RBFOX1: variants seen among roughly 807,000 people sequenced by gnomAD.
The protein encoded by RBFOX1 is RNA binding protein fox-1 homolog 1.
In RBFOX1, 8 loss-of-function variants were observed where a neutral mutation model predicts 57.7. That is an observed-to-expected ratio of 0.14 (90% CI 0.08 to 0.25). The LOEUF (loss-of-function observed/expected upper bound fraction) is 0.25. Ranked by LOEUF, RBFOX1 falls within the 10% of genes least tolerant of loss-of-function variation. The probability of loss-of-function intolerance (pLI) is 1.00; values close to 1 mark genes in which losing one functional copy is unlikely to be tolerated. For synonymous variants in RBFOX1, 326 were observed against 222.4 expected, an observed-to-expected ratio of 1.47 and a Z score of -4.15; for missense variants, 611 against 548.5, an observed-to-expected ratio of 1.11 and a Z score of -1.14.
intron 4 of RBFOX1, among the ~76,000 whole-genome samples, chr16:7,244,837 T>A (rs1922583): frequency 0.44 from 66,622 of 152,028 alleles, 15,026 homozygotes; most frequent in Middle Eastern, 0.53. Context: ...TGTTCCCACT[T>A]CTGCTCATGA....
At chr16:6,004,536 G>A (rs761584845) in intron 4 of RBFOX1, among the ~76,000 whole-genome samples, 1 of 152,178 alleles carries the variant, frequency 6.6e-6, no homozygotes, top group Non-Finnish European at 1.5e-5. Flanking sequence ...CTCAATGAAT[G>A]TCCAGAAGGT....
intron 2 of RBFOX1, among the ~76,000 whole-genome samples, chr16:6,336,225 G>A (rs1344526499): frequency 4.6e-5 from 4 of 87,040 alleles, no homozygotes; most frequent in African/African-American, 1.6e-4. Context: ...TTGAGATGGA[G>A]TCTCGCTCTG....
intron 4 of RBFOX1, among the ~76,000 whole-genome samples, chr16:7,213,626 G>A (rs1218684136): frequency 6.6e-6 from 1 of 151,892 alleles, no homozygotes; most frequent in Non-Finnish European, 1.5e-5. Flanking sequence ...CCGTGTGCCT[G>A]GAACTGAAGT....
intron 3 of RBFOX1, among the ~76,000 whole-genome samples, chr16:7,001,107 G>A (rs891852637): frequency 1.3e-5 from 2 of 152,034 alleles, no homozygotes; most frequent in African/African-American, 2.4e-5. Context: ...AGAAAAATAG[G>A]GGCATCTGTA....
At chr16:7,226,411 C>A (rs754148233) in intron 4 of RBFOX1, among the ~76,000 whole-genome samples, 6 of 152,146 alleles carry the variant, frequency 3.9e-5, no homozygotes, top group Non-Finnish European at 8.8e-5. Flanking sequence ...CCACTACAGG[C>A]CCTCAGTTAA....
At chr16:7,468,673 G>C (rs573702063) in intron 4 of RBFOX1, among the ~76,000 whole-genome samples, 2 of 152,114 alleles carry the variant, frequency 1.3e-5, no homozygotes, top group Admixed American at 1.3e-4. Flanking sequence ...TGCATGCATA[G>C]GATGCTTTAA....
intron 3 of RBFOX1, among the ~76,000 whole-genome samples, chr16:6,815,182 G>C (rs149200974): frequency 9.5e-4 from 145 of 152,248 alleles, no homozygotes; most frequent in African/African-American, 3.2e-3. Context: ...GTGCTGTTGA[G>C]CATGCAAGTG....
chr16:7,649,307 C>G (rs2064436412), intron 11 of RBFOX1, among the ~76,000 whole-genome samples: 1 of 152,020 alleles, frequency 6.6e-6, no homozygotes, highest in Admixed American at 6.5e-5. Flanking sequence ...TTGCAAGAAT[C>G]AATATTATCT....
In RBFOX1 at chr16:7,090,783, C is replaced by G. The variant is rs967390194; in HGVS notation, c.27+38685C>G. 5.9e-5 allele frequency among the ~76,000 whole-genome samples: 9 copies of G among 152,106 alleles called. No homozygotes were observed. In the South Asian group the frequency reaches 1.0e-3, roughly 17 times the overall value. On this transcript the variant is annotated intron_variant, in intron 4 of 15. Transcript: ENST00000550418. ...AGGGGGAAACAGCCTTCCCTACGGA[C>G]TTCTTGGAAAAGCAGGGAAGTCACG...
At chr16:6,920,239 T>C (rs1047244595) in intron 3 of RBFOX1, among the ~76,000 whole-genome samples, 5 of 126,616 alleles carry the variant, frequency 3.9e-5, no homozygotes, top group African/African-American at 6.0e-5. Context: ...GCTATAAACA[T>C]GGGTATGCAC....
upstream of RBFOX1, chr16:6,018,951 A>T: frequency 2.8e-6 from 1 of 351,052 alleles, no homozygotes; most frequent in Non-Finnish European, 4.0e-6. Context: ...GCTGGAATCC[A>T]GGGCTGCACG....
At chr16:7,346,434 A>G (rs1414394396) in intron 4 of RBFOX1, among the ~76,000 whole-genome samples, 1 of 152,104 alleles carries the variant, frequency 6.6e-6, no homozygotes, top group Admixed American at 6.6e-5. Flanking sequence ...CTTCCTGGGA[A>G]TGGACACGAC....
chr16:6,564,230 A>C (rs2097223354), intron 2 of RBFOX1, among the ~76,000 whole-genome samples: 1 of 152,186 alleles, frequency 6.6e-6, no homozygotes, highest in Non-Finnish European at 1.5e-5. Context: ...GGAGTGGTGC[A>C]GAAACTCAAG....
At chr16:5,640,619 T>C (rs1469288310) in intron 3 of RBFOX1, among the ~76,000 whole-genome samples, 1 of 150,660 alleles carries the variant, frequency 6.6e-6, no homozygotes, top group Non-Finnish European at 1.5e-5. Context: ...CGCATACATA[T>C]GCACACCATG....
chr16:5,521,184 G>A (rs772760546), intron 2 of RBFOX1, among the ~76,000 whole-genome samples: 3 of 152,102 alleles, frequency 2.0e-5, no homozygotes, highest in Non-Finnish European at 2.9e-5. Context: ...CTGAGATGAG[G>A]AGTCACAGAG....
chr16:6,793,086 C>G (rs1331304105), intron 3 of RBFOX1, among the ~76,000 whole-genome samples: 3 of 151,802 alleles, frequency 2.0e-5, no homozygotes, highest in South Asian at 2.1e-4. Flanking sequence ...CTTGGATGCT[C>G]TCTGCCAGAT....
intron 1 of RBFOX1, among the ~76,000 whole-genome samples, chr16:6,176,792 G>A (rs984989242): frequency 6.6e-6 from 1 of 151,914 alleles, no homozygotes; most frequent in African/African-American, 2.4e-5. Flanking sequence ...GGAGAATTGT[G>A]TTAAATGTCT....
At chr16:6,377,166 T>A (rs1175049729) in intron 2 of RBFOX1, among the ~76,000 whole-genome samples, 1 of 151,656 alleles carries the variant, frequency 6.6e-6, no homozygotes, top group East Asian at 1.9e-4. Flanking sequence ...GCCCAGCTAC[T>A]TGGAGGCTGA....
chr16:6,744,450 G>C (rs1201842245), intron 3 of RBFOX1, among the ~76,000 whole-genome samples: 1 of 151,998 alleles, frequency 6.6e-6, no homozygotes, highest in African/African-American at 2.4e-5. Flanking sequence ...ATTCTGGGCT[G>C]AACTATTTTT....
Sources: gnomAD v4.1 joint callset for allele counts (sites outside exome capture counted in the v4.1 genomes callset) on GRCh38, gnomAD v4.1.1 for gene constraint, MANE v1.5 for transcripts, NCBI Gene and HGNC (gene_info 2026-07-23, HGNC 2026-07-21) for gene names.